FLI1: variants seen among roughly 807,000 people sequenced by gnomAD.
The protein encoded by FLI1 is Fli-1 proto-oncogene, ETS transcription factor, also known as Friend leukemia integration 1 transcription factor.
In FLI1, 13 loss-of-function variants were observed where a neutral mutation model predicts 53.1. The observed-to-expected ratio is 0.24, with a 90% CI of 0.16 to 0.39. The LOEUF is 0.39. Ranked by LOEUF, FLI1 falls within the 10% of genes least tolerant of loss-of-function variation. The probability of loss-of-function intolerance (pLI) is 1.00; values close to 1 mark genes in which losing one functional copy is unlikely to be tolerated. For synonymous variants in FLI1, 244 were observed against 236.7 expected (o/e 1.03, Z -0.28); for missense variants, 424 against 600.5 (o/e 0.71, Z 3.07).
At chr11:128,745,791 C>G (rs1288174013) in intron 1 of FLI1, among the ~76,000 whole-genome samples, 1 of 152,242 alleles carries the variant, frequency 6.6e-6, no homozygotes, top group African/African-American at 2.4e-5. Flanking sequence ...CTGATTTTGC[C>G]TTCGTCCCCC....
intron 5 of FLI1, among the ~76,000 whole-genome samples, chr11:128,793,563 G>A (rs977519819): frequency 9.9e-5 from 15 of 152,138 alleles, no homozygotes; most frequent in Non-Finnish European, 1.6e-4. Context: ...TACAGAGTTC[G>A]CCTCTTCTCA....
chr11:128,760,394 C>T (rs576824845), intron 2 of FLI1, among the ~76,000 whole-genome samples: 1 of 152,146 alleles, frequency 6.6e-6, no homozygotes, highest in South Asian at 2.1e-4. Context: ...GCTTTTGCAC[C>T]ACCACCTCAT....
chr11:128,760,540 T>TC lies in FLI1; in HGVS notation c.230+2214_230+2215insC, dbSNP rs1239268617. ...GATTCCTTTTTTTTTTTTTTTTTTT[T>TC]TTTTTGAGATGGAGTCTCACTCTGT... On this transcript the variant is annotated intron_variant, in intron 2 of 8. Coordinates refer to ENST00000527786, the MANE Select transcript of FLI1 (RefSeq NM_002017.5). Among the ~76,000 whole-genome samples, 411 of 144,672 alleles carry TC rather than the reference T, an allele frequency of 2.8e-3. 2 individuals are homozygous for TC. Among genetic ancestry groups the TC allele is most frequent in the South Asian group, 8.9e-3 (39 of 4,362 alleles). The allele number at this position is 144,672 out of a possible 152,430, so 94.9% of individuals were successfully genotyped here.
intron 6 of FLI1, chr11:128,806,147 T>C (rs1942777835): frequency 6.6e-6 from 1 of 152,122 alleles, no homozygotes. Flanking sequence ...GGGTTACAAA[T>C]TAATGCCCAA....
chr11:128,729,687 C>G (rs1565470433), intron 1 of FLI1, among the ~76,000 whole-genome samples: 1 of 152,122 alleles, frequency 6.6e-6, no homozygotes, highest in Non-Finnish European at 1.5e-5. Context: ...TACCTGTCAC[C>G]CCTTTTTAAA....
intron 3 of FLI1, among the ~76,000 whole-genome samples, chr11:128,769,336 A>G (rs1941468507): frequency 6.6e-6 from 1 of 152,234 alleles, no homozygotes; most frequent in African/African-American, 2.4e-5. Flanking sequence ...ATTAAACCTG[A>G]TCTTACCAAA....
At chr11:128,703,414 G>T (rs1277014040) in intron 1 of FLI1, among the ~76,000 whole-genome samples, 5 of 151,986 alleles carry the variant, frequency 3.3e-5, no homozygotes, top group Non-Finnish European at 7.4e-5. Flanking sequence ...CACCAGTAGG[G>T]GACTAGATAA....
chr11:128,729,583 C>T (rs1201168554), intron 1 of FLI1, among the ~76,000 whole-genome samples: 1 of 152,158 alleles, frequency 6.6e-6, no homozygotes, highest in Admixed American at 6.5e-5. Context: ...CAAGCAGGCT[C>T]CAGAATGAAC....
intron 2 of FLI1, among the ~76,000 whole-genome samples, chr11:128,764,001 C>T (rs142170516): frequency 8.5e-4 from 129 of 152,318 alleles, no homozygotes; most frequent in Admixed American, 4.0e-3. Flanking sequence ...TTACACGCCG[C>T]GGGTCCTAAT....
At chr11:128,746,541 T>G (rs1003878975) in intron 1 of FLI1, among the ~76,000 whole-genome samples, 1 of 152,176 alleles carries the variant, frequency 6.6e-6, no homozygotes, top group African/African-American at 2.4e-5. Flanking sequence ...AGACCCAGAT[T>G]GAGATCCTCT....
At chr11:128,793,353 C>T (rs932229761) in intron 5 of FLI1, among the ~76,000 whole-genome samples, 1 of 151,992 alleles carries the variant, frequency 6.6e-6, no homozygotes, top group Non-Finnish European at 1.5e-5. Flanking sequence ...GCTGCCCCAC[C>T]CTGCCCCGTG....
intron 1 of FLI1, among the ~76,000 whole-genome samples, chr11:128,707,104 G>A (rs983723080): frequency 6.6e-6 from 1 of 152,178 alleles, no homozygotes; most frequent in Non-Finnish European, 1.5e-5. Context: ...CTGCTTGGGC[G>A]ATAGCAAAGG....
At chr11:128,702,587 C>T (rs1361573277) in intron 1 of FLI1, among the ~76,000 whole-genome samples, 1 of 152,212 alleles carries the variant, frequency 6.6e-6, no homozygotes, top group Non-Finnish European at 1.5e-5. Context: ...TGGGGCCAGG[C>T]ACGGTGGCTC....
chr11:128,696,176 CT>C (rs953223894), intron 1 of FLI1, among the ~76,000 whole-genome samples: 1 of 152,114 alleles, frequency 6.6e-6, no homozygotes, highest in African/African-American at 2.4e-5. Flanking sequence ...AAAGTCCTTC[CT>C]TTTTTTGTGG....
intron 4 of FLI1, among the ~76,000 whole-genome samples, chr11:128,776,724 C>T (rs1359097211): frequency 6.6e-6 from 1 of 152,188 alleles, no homozygotes; most frequent in Non-Finnish European, 1.5e-5. Flanking sequence ...CACTGAGGCC[C>T]AGACAGCTTC....
intron 1 of FLI1, among the ~76,000 whole-genome samples, chr11:128,745,672 A>G (rs1940350895): frequency 1.3e-5 from 2 of 152,214 alleles, no homozygotes; most frequent in Admixed American, 6.5e-5. Flanking sequence ...AAATGGATGC[A>G]CGCCTCATCT....
At chr11:128,740,954 A>G (rs1315150458) in intron 1 of FLI1, among the ~76,000 whole-genome samples, 7 of 152,184 alleles carry the variant, frequency 4.6e-5, no homozygotes, top group Admixed American at 4.6e-4. Flanking sequence ...TTCTCATGCC[A>G]ACGTTGTTGT....
intron 2 of FLI1, among the ~76,000 whole-genome samples, chr11:128,762,747 G>A (rs574071209): frequency 1.2e-4 from 18 of 152,168 alleles, no homozygotes; most frequent in Non-Finnish European, 1.6e-4. Context: ...ACCTGAGGTC[G>A]GGAGTTCGAG....
Position 128,813,143 on chromosome 11 carries a change from A to C in FLI1, c.*2155A>C. 1 of 161,728 alleles carries C rather than the reference A, an allele frequency of 6.2e-6. No homozygotes were observed. The highest frequency in any genetic ancestry group is 1.1e-4 in the East Asian group (1 of 9,098). 10.0% of individuals were successfully genotyped at this position (161,728 alleles called of 1,614,324 possible). On this transcript the variant is annotated 3_prime_UTR_variant, in exon 9 of 9. Transcript: ENST00000527786. ...AAAGATGTGTAAAGCACATATTCTC[A>C]ACATATGCACATTGATTTATAAATC...
Sources: allele counts gnomAD v4.1 joint callset (sites outside exome capture counted in the v4.1 genomes callset), GRCh38; gene constraint gnomAD v4.1.1; transcripts MANE v1.5; gene names NCBI Gene and HGNC (gene_info 2026-07-23, HGNC 2026-07-21).